The following SPTBN2 variants were observed in gnomAD, a reference collection of about 807,000 sequenced individuals.
SPTBN2 encodes spectrin beta chain, non-erythrocytic 2.
Under a neutral mutation model 284.2 loss-of-function variants are expected in SPTBN2, and 107 were observed. The observed-to-expected ratio is 0.38, with a 90% CI of 0.32 to 0.44. The LOEUF is 0.44. Among genes scored for constraint, SPTBN2 ranks in the 20% least tolerant of loss-of-function variants. SPTBN2 has a pLI of 1.00. For missense variants in SPTBN2, 2,569 were observed against 3,287.1 expected (o/e 0.78, Z 5.34); for synonymous variants, 1,289 against 1,354.8 (o/e 0.95, Z 1.07).
At chr11:66,692,926 G>A (rs1361032985) in intron 25 of SPTBN2, 44 bp downstream of exon 25, 1 of 1,598,642 alleles carries the variant, frequency 6.3e-7, no homozygotes, top group South Asian at 1.1e-5. Flanking sequence ...TGTTCCTGCA[G>A]CCGGCTCCAC....
At chr11:66,716,209 T>C (rs1193390050) in intron 3 of SPTBN2, among the ~76,000 whole-genome samples, 1 of 151,804 alleles carries the variant, frequency 6.6e-6, no homozygotes, top group Non-Finnish European at 1.5e-5. Context: ...GAAGGTTGGG[T>C]GTGGTGGCTC....
Position 66,699,156 on chromosome 11 carries a change from C to A in SPTBN2, c.3777-74G>T. 5 of 1,561,506 alleles carry A rather than the reference C, an allele frequency of 3.2e-6. No individual in the cohort carries two copies. The South Asian group carries it at 4.5e-5, about 14-fold the overall frequency. On this transcript the variant is annotated intron_variant, in intron 18 of 37. Transcript: ENST00000533211. ...TGTGACCCTTTGGCTAACCTAGGGG[C>A]CTCCATTTCTTCTAGGGGAATAACG...
At position 66,690,256 on chromosome 11, in the gene SPTBN2, G is replaced by A. The variant is rs755595060; in HGVS notation, c.5593C>T (p.Arg1865Trp). ...TCTCCAGCGTAGGCCTTCTGGAGCC[G>A]GTGGCCGTCGTCCTGCACCTGCTGG... is the stretch of plus-strand genomic sequence containing the variant. ...QVQQVQDDGH[R>W]LQKAYAGDKA... The change falls in exon 28 of 38, where the codon CGG becomes TGG. Residue 1865 changes from arginine to tryptophan, a missense_variant. This residue lies in a region of SPTBN2 where 1,130 missense variants were observed against 1,317.3 expected (regional missense o/e 0.86). Transcript: ENST00000533211. The A allele has an allele frequency of 1.7e-5, 27 of 1,611,036 alleles. No homozygotes were observed. Among genetic ancestry groups the A allele is most frequent in the African/African-American group, 4.0e-5 (3 of 74,878 alleles).
In SPTBN2 at chr11:66,686,441, C is replaced by T. The variant is rs747938197; in HGVS notation, c.6897-1G>A. 6.2e-7 allele frequency: 1 copy of T among 1,613,874 alleles called. No homozygotes were observed. The highest frequency in any genetic ancestry group is 1.3e-5 in the African/African-American group (1 of 74,912). On this transcript the variant is annotated splice_acceptor_variant, in intron 36 of 37. Transcript: ENST00000533211. LOFTEE classifies it high-confidence loss of function. ...TAAATATTCTTTTCCATCCTGTAAG[C>T]TGTTGGGAGAGAGAGGCCACAGGGC...
Position 66,691,919 on chromosome 11 carries a change from A to G in SPTBN2, c.5191-261T>C, listed in dbSNP as rs575954646. Among the ~76,000 whole-genome samples, 52 of 152,200 alleles carry G rather than the reference A, an allele frequency of 3.4e-4. 1 individual carries two copies. Among genetic ancestry groups the G allele is most frequent in the African/African-American group, 1.2e-3 (51 of 41,512 alleles). On this transcript the variant is annotated intron_variant, in intron 26 of 37. Transcript: ENST00000533211. This position sits in a 1 kb window ranked among gnomAD's most constrained non-coding sequence, Gnocchi z 8.0. ...GGCTTCAGACAAGGATACCCTAACT[A>G]TGGTCCATATTTCTGTACGACTGAG...
chr11:66,690,197 G>A lies in SPTBN2; in HGVS notation c.5652C>T (p.Ala1884=), dbSNP rs141493701. 80 of 1,613,906 alleles carry A rather than the reference G, an allele frequency of 5.0e-5. No homozygotes were observed. The highest frequency in any genetic ancestry group is 6.5e-5 in the Non-Finnish European group (77 of 1,179,952). The stretch of plus-strand genomic sequence containing the variant: ...GAAGCTGGGCCCAGGCCTCGGCCAC[G>A]GCCTGCATGTGGCGGCCGATCTCCT... The part of the protein sequence containing the change: ...KAEEIGRHMQ[A]VAEAWAQLQG... Residue 1884 remains alanine (A), a synonymous_variant, in exon 28 of 38, where the codon GCC becomes GCT. Coordinates refer to ENST00000533211, the MANE Select transcript of SPTBN2 (RefSeq NM_006946.4).
In SPTBN2 at chr11:66,689,878, C is replaced by T. The variant is rs1307635233; in HGVS notation, c.5876G>A (p.Arg1959Gln). 9 of 1,614,128 alleles carry T rather than the reference C, an allele frequency of 5.6e-6. No individual in the cohort carries two copies. In the Middle Eastern group the frequency reaches 6.6e-4, roughly 118 times the overall value. ...QQGIKAEIEA[R>Q]ADRFSSCIDM... ...GATGCAGGAGGAGAAGCGGTCTGCC[C>T]GGGCCTCTATCTCTGCCTTGATGCC... The change falls in exon 29 of 38, where the codon CGG becomes CAG. Residue 1959 changes from arginine (R) to glutamine (Q), a missense_variant. By Grantham distance (43) the Arg-to-Gln change is conservative. Coordinates refer to ENST00000533211, the MANE Select transcript of SPTBN2 (RefSeq NM_006946.4).
intron 31 of SPTBN2, 59 bp downstream of exon 31, chr11:66,688,594 A>G: frequency 6.2e-7 from 1 of 1,604,700 alleles, no homozygotes; most frequent in Non-Finnish European, 8.5e-7. Context: ...TCCAAGCAGA[A>G]GCCAGCACAG....
intron 20 of SPTBN2, among the ~76,000 whole-genome samples, chr11:66,697,490 C>T (rs1047203770): frequency 6.6e-6 from 1 of 152,182 alleles, no homozygotes; most frequent in African/African-American, 2.4e-5. Context: ...TGGGGCCCTG[C>T]ACACATTCTG....
rs918985370 is a variant in SPTBN2 at position 66,705,625 on chromosome 11, G to C, written c.1807+59C>G. ...CCAGGTTTCCCAACCCTTCCACCTC[G>C]GCTCTTGATGTGCTCCTTCCCAGCC... On this transcript the variant is annotated intron_variant, in intron 14 of 37. Transcript: ENST00000533211. 1.4e-5 allele frequency: 23 copies of C among 1,605,134 alleles called. No homozygotes were observed. The African/African-American group carries it at 2.4e-4, about 17-fold the overall frequency.
Position 66,699,451 on chromosome 11 carries a change from A to G in SPTBN2, c.3731T>C (p.Ile1244Thr). 6.2e-7 allele frequency: 1 copy of G among 1,613,964 alleles called. No homozygotes were observed. The highest frequency in any genetic ancestry group is 2.2e-5 in the East Asian group (1 of 44,880). The stretch of plus-strand genomic sequence containing the variant: ...CTTTTCCCGAATCTTGTCGGCGTGG[A>G]TGTTGCCTTCAGATACCAGCTGGCG... ...AGRQLVSEGN[I>T]HADKIREKAD... The change falls in exon 18 of 38, where the codon ATC becomes ACC. Residue 1244 changes from isoleucine (I) to threonine (T), a missense_variant. Around this residue, in one of 6 missense-constraint regions of SPTBN2, gnomAD observed 1,012 missense variants for 1,248.9 expected, o/e 0.81. Transcript: ENST00000533211.
intron 36 of SPTBN2, 73 bp downstream of exon 36, chr11:66,686,921 G>T: frequency 6.2e-7 from 1 of 1,600,356 alleles, no homozygotes; most frequent in South Asian, 1.1e-5. Context: ...CCTCCCTCTG[G>T]ACCTGACTCA....
intron 3 of SPTBN2, among the ~76,000 whole-genome samples, chr11:66,719,086 A>G (rs1490963011): frequency 6.6e-6 from 1 of 152,248 alleles, no homozygotes; most frequent in African/African-American, 2.4e-5. Context: ...TGACTCTGGG[A>G]GGTCCTTCTC....
chr11:66,691,555 C>T lies in SPTBN2; in HGVS notation c.5294G>A (p.Gly1765Asp). 6.2e-7 allele frequency: 1 copy of T among 1,613,398 alleles called. No individual in the cohort carries two copies. The highest frequency in any genetic ancestry group is 2.2e-5 in the East Asian group (1 of 44,894). Residue 1765 changes from glycine (G) to aspartate (D), a missense_variant, in exon 27 of 38, where the codon GGC becomes GAC. By Grantham distance (94) the Gly-to-Asp change is moderately conservative. Transcript: ENST00000533211. The surrounding 1 kb of genome is among the most constrained non-coding windows in gnomAD (Gnocchi z 8.0). ...NALANGLIAG[G>D]HAARATVAEW... The stretch of plus-strand genomic sequence containing the variant: ...GGCCACGGTGGCCCGTGCAGCATGG[C>T]CCCCAGCAATGAGCCCATTGGCCAG...
chr11:66,708,730 G>A lies in SPTBN2; in HGVS notation c.1191+172C>T, dbSNP rs1941698874. Among the ~76,000 whole-genome samples, 1 of 152,176 alleles carries A rather than the reference G, an allele frequency of 6.6e-6. No homozygotes were observed. The highest frequency in any genetic ancestry group is 1.5e-5 in the Non-Finnish European group (1 of 68,040). On this transcript the variant is annotated intron_variant, in intron 11 of 37. Transcript: ENST00000533211. The surrounding 1 kb of genome is among the most constrained non-coding windows in gnomAD (Gnocchi z 4.4). Reference sequence around the variant, plus strand: ...GAGCCGTGTGCCTGAGAGGATGGGAGAATCACATCTGGCACAGTGTGGGCA... The same window carrying A: ...GAGCCGTGTGCCTGAGAGGATGGGAAAATCACATCTGGCACAGTGTGGGCA...
intron 1 of SPTBN2, among the ~76,000 whole-genome samples, chr11:66,737,695 T>C (rs1942863418): frequency 6.6e-6 from 1 of 152,184 alleles, no homozygotes; most frequent in Non-Finnish European, 1.5e-5. Context: ...GTTAGAATGA[T>C]TACTGCATGA....
rs200435327 is a variant in SPTBN2 at position 66,721,272 on chromosome 11, G to T, written c.-22-10C>A. 6.6e-4 allele frequency: 1,073 copies of T among 1,614,032 alleles called. 1 individual carries two copies. Among genetic ancestry groups the T allele is most frequent in the Non-Finnish European group, 8.6e-4 (1,017 of 1,179,988 alleles). On this transcript the variant is annotated splice_polypyrimidine_tract_variant and intron_variant, in intron 2 of 37. Transcript: ENST00000533211. ...AGGCGGCTTCCTGCTCCTGCAAGGA[G>T]AATGTGGCCAGTGAGGGGTGTCCAG...
chr11:66,730,581 C>CAA (rs35527505), upstream of SPTBN2, among the ~76,000 whole-genome samples: 15 of 103,182 alleles, frequency 1.5e-4, no homozygotes, highest in Non-Finnish European at 1.2e-4. Flanking sequence ...ACTCCATCTC[C>CAA]AAAAAAAAAA....
Position 66,742,313 on chromosome 11 carries a change from G to A in SPTBN2, c.-475+2229C>T, listed in dbSNP as rs117327002. Among the ~76,000 whole-genome samples, 77 of 152,246 alleles carry A rather than the reference G, an allele frequency of 5.1e-4. 1 individual carries two copies. In the East Asian group the frequency reaches 0.014, roughly 28 times the overall value. On this transcript the variant is annotated intron_variant, in intron 1 of 37. Coordinates refer to the SPTBN2 transcript ENST00000611817. ...ATGCTGCCTGAATACGTGGGTTTAC[G>A]CTACGGAAGTCCTGATGGCAAACCC...
Sources: gnomAD v4.1 joint callset for allele counts (sites outside exome capture counted in the v4.1 genomes callset) on GRCh38, gnomAD v4.1.1 for gene constraint, gnomAD v4.1.1 regional missense constraint, Gnocchi (gnomAD v3.1) non-coding constraint, MANE v1.5 for transcripts, NCBI Gene and HGNC (gene_info 2026-07-23, HGNC 2026-07-21) for gene names.